The following XKR9 variants were observed in gnomAD, a reference collection of about 807,000 sequenced individuals.
XKR9 encodes XK-related protein 9.
In XKR9, 32 loss-of-function variants were observed where a neutral mutation model predicts 32.0. The observed-to-expected ratio is 1.00, with a 90% CI of 0.76 to 1.34. The LOEUF is 1.34. Ranked by LOEUF, XKR9 falls within the 40% of genes most tolerant of loss-of-function variation. The pLI is 0.00. For missense variants in XKR9, 546 were observed against 429.7 expected (o/e 1.27, Z -2.39); for synonymous variants, 168 against 143.4 (o/e 1.17, Z -1.22).
the XKR9 span, among the ~76,000 whole-genome samples, chr8:70,978,136 G>A: frequency 9.2e-5 from 14 of 152,160 alleles, no homozygotes; most frequent in South Asian, 1.7e-3. Flanking sequence ...GTCTCTGCAC[G>A]TGAGATGGGT....
chr8:71,029,506 A>T, the XKR9 span, among the ~76,000 whole-genome samples: 2 of 152,206 alleles, frequency 1.3e-5, no homozygotes, highest in Non-Finnish European at 2.9e-5. Context: ...ATTTAATTTA[A>T]TAATAGACAA....
At chr8:70,963,756 T>G in the XKR9 span, among the ~76,000 whole-genome samples, 1 of 152,250 alleles carries the variant, frequency 6.6e-6, no homozygotes, top group Non-Finnish European at 1.5e-5. Context: ...GTTGGCTGCA[T>G]GAATGTCTTC....
chr8:70,999,163 A>G, the XKR9 span, among the ~76,000 whole-genome samples: 3 of 152,220 alleles, frequency 2.0e-5, no homozygotes, highest in Non-Finnish European at 4.4e-5. Context: ...TATAATTCTG[A>G]TAAAACAGAT....
chr8:70,958,737 G>T, the XKR9 span, among the ~76,000 whole-genome samples: 1 of 152,034 alleles, frequency 6.6e-6, no homozygotes, highest in Non-Finnish European at 1.5e-5. Context: ...TGTTGCAATT[G>T]CCTGTGGTGT....
downstream of XKR9, among the ~76,000 whole-genome samples, chr8:70,794,486 G>T (rs1308240949): frequency 6.6e-6 from 1 of 151,922 alleles, no homozygotes; most frequent in Non-Finnish European, 1.5e-5. Flanking sequence ...TTAGCTATAG[G>T]TTTTTCATAT....
chr8:70,815,183 T>C, the XKR9 span, among the ~76,000 whole-genome samples: 1 of 152,204 alleles, frequency 6.6e-6, no homozygotes, highest in Non-Finnish European at 1.5e-5. Context: ...TTTTTAACTT[T>C]TAAGTTCAGG....
At chr8:70,722,054 C>G (rs886133790) in intron 4 of XKR9, among the ~76,000 whole-genome samples, 3 of 151,922 alleles carry the variant, frequency 2.0e-5, no homozygotes, top group African/African-American at 7.2e-5. Context: ...ATATGTAATG[C>G]CCTTCTTTGT....
the XKR9 span, among the ~76,000 whole-genome samples, chr8:70,812,711 A>C: frequency 2.6e-5 from 4 of 152,314 alleles, no homozygotes; most frequent in South Asian, 8.3e-4. Flanking sequence ...AAGAGAATAA[A>C]ATACCTAGGA....
At chr8:70,880,566 G>T in the XKR9 span, among the ~76,000 whole-genome samples, 1 of 152,110 alleles carries the variant, frequency 6.6e-6, no homozygotes, top group Admixed American at 6.6e-5. Flanking sequence ...AACTTACAAG[G>T]AATGTGAAGG....
chr8:70,960,033 CA>C, the XKR9 span, among the ~76,000 whole-genome samples: 3 of 152,068 alleles, frequency 2.0e-5, no homozygotes, highest in African/African-American at 7.2e-5. Context: ...AGTTTGAGAC[CA>C]GCCTGGCCAA....
downstream of XKR9, among the ~76,000 whole-genome samples, chr8:70,790,992 G>C (rs148703925): frequency 0.011 from 1,691 of 152,044 alleles, 13 homozygotes; most frequent in Middle Eastern, 0.054. Context: ...CATTCACGTG[G>C]TCAGAGTCCT....
At chr8:70,791,703 T>G (rs2130271895), downstream of XKR9, among the ~76,000 whole-genome samples, 1 of 152,206 alleles carries the variant, frequency 6.6e-6, no homozygotes, top group Non-Finnish European at 1.5e-5. Flanking sequence ...AATTTTGTAC[T>G]TCCCAGCCTC....
chr8:70,898,814 T>C, the XKR9 span, among the ~76,000 whole-genome samples: 17,412 of 152,060 alleles, frequency 0.11, 1,182 homozygotes, highest in African/African-American at 0.19. Context: ...ATAGTTCTTT[T>C]CTTTCATCAC....
At chr8:70,739,235 T>A (rs995154633), downstream of XKR9, among the ~76,000 whole-genome samples, 50 of 152,166 alleles carry the variant, frequency 3.3e-4, no homozygotes, top group African/African-American at 1.1e-3. Flanking sequence ...GCCTTCTTTG[T>A]CTCTTTTGAT....
At chr8:70,690,643 C>A (rs1437154268) in intron 3 of XKR9, among the ~76,000 whole-genome samples, 1 of 152,086 alleles carries the variant, frequency 6.6e-6, no homozygotes, top group East Asian at 1.9e-4. Context: ...GCCACCGTGC[C>A]TGGCCAGCTC....
intron 4 of XKR9, among the ~76,000 whole-genome samples, chr8:70,733,185 A>G (rs925266903): frequency 1.3e-5 from 2 of 152,230 alleles, no homozygotes; most frequent in Non-Finnish European, 2.9e-5. Context: ...GGGTATAGAT[A>G]TCAATCCTAC....
At chr8:70,952,592 G>A in the XKR9 span, among the ~76,000 whole-genome samples, 1 of 152,168 alleles carries the variant, frequency 6.6e-6, no homozygotes, top group African/African-American at 2.4e-5. Context: ...GAGAGAAGAG[G>A]CATTGAAAGG....
chr8:70,989,789 T>C, the XKR9 span, among the ~76,000 whole-genome samples: 1 of 152,206 alleles, frequency 6.6e-6, no homozygotes, highest in African/African-American at 2.4e-5. Context: ...TTTCCAAAAT[T>C]TGTCATCAAC....
the XKR9 span, among the ~76,000 whole-genome samples, chr8:70,838,737 A>G: frequency 2.6e-5 from 4 of 152,104 alleles, no homozygotes; most frequent in African/African-American, 9.7e-5. Context: ...CAGAGTTAGC[A>G]AGTAGACTAA....
Sources: allele counts gnomAD v4.1 joint callset (sites outside exome capture counted in the v4.1 genomes callset), GRCh38; gene constraint gnomAD v4.1.1; transcripts MANE v1.5; gene names NCBI Gene and HGNC (gene_info 2026-07-23, HGNC 2026-07-21).